ASAP1: variants seen among roughly 807,000 people sequenced by gnomAD.
ASAP1 encodes the protein ArfGAP with SH3 domain, ankyrin repeat and PH domain 1.
A neutral mutation model predicts 145.2 loss-of-function variants in ASAP1; 43 were observed. The ratio of observed to expected loss-of-function variants is 0.30; its 90% CI spans 0.23 to 0.38. The LOEUF is 0.38. Among genes scored for constraint, ASAP1 ranks in the 10% least tolerant of loss-of-function variants. The pLI is 1.00. For synonymous variants in ASAP1, 546 were observed against 515.5 expected, an observed-to-expected ratio of 1.06 and a Z score of -0.80; for missense variants, 1,018 against 1,355.3, an observed-to-expected ratio of 0.75 and a Z score of 3.91.
At chr8:130,378,811 T>C (rs529374333) in intron 2 of ASAP1, among the ~76,000 whole-genome samples, 1 of 152,304 alleles carries the variant, frequency 6.6e-6, no homozygotes, top group African/African-American at 2.4e-5. Flanking sequence ...GCAAGATCTG[T>C]CACCTCCCTA....
At chr8:130,407,965 T>C (rs1321702911) in intron 1 of ASAP1, among the ~76,000 whole-genome samples, 1 of 152,194 alleles carries the variant, frequency 6.6e-6, no homozygotes, top group Non-Finnish European at 1.5e-5. Flanking sequence ...TTCTTTCCTG[T>C]TCTGTGGAAG....
chr8:130,318,170 C>T (rs930940666), intron 3 of ASAP1, among the ~76,000 whole-genome samples: 3 of 152,176 alleles, frequency 2.0e-5, no homozygotes, highest in African/African-American at 7.2e-5. Flanking sequence ...TAGCCTTGAC[C>T]GCCCAGGCTC....
intron 1 of ASAP1, among the ~76,000 whole-genome samples, chr8:130,420,819 G>C (rs138597426): frequency 0.034 from 5,147 of 151,804 alleles, 126 homozygotes; most frequent in Middle Eastern, 0.068. Context: ...CTTGAACTCG[G>C]GAGGCAGAGG....
At chr8:130,395,683 T>G (rs1339780806) in intron 2 of ASAP1, among the ~76,000 whole-genome samples, 1 of 151,792 alleles carries the variant, frequency 6.6e-6, no homozygotes, top group African/African-American at 2.4e-5. Context: ...CTTTTTTTTT[T>G]TGAGACAGAG....
chr8:130,154,112 C>T (rs1376012330), intron 12 of ASAP1, among the ~76,000 whole-genome samples: 1 of 152,098 alleles, frequency 6.6e-6, no homozygotes, highest in African/African-American at 2.4e-5. Context: ...TCGGGAGGTA[C>T]AGGACAAGCT....
chr8:130,222,327 T>C (rs921088882), intron 4 of ASAP1, among the ~76,000 whole-genome samples: 7 of 152,224 alleles, frequency 4.6e-5, no homozygotes, highest in African/African-American at 1.7e-4. Context: ...CCTGCCAACC[T>C]AACCTTTGAT....
At chr8:130,319,911 CACTA>C (rs1202454413) in intron 3 of ASAP1, among the ~76,000 whole-genome samples, 8 of 152,280 alleles carry the variant, frequency 5.3e-5, no homozygotes, top group African/African-American at 9.6e-5. Flanking sequence ...TTATTTTGTA[CACTA>C]ACTACTTCAT....
At chr8:130,061,182 G>A in intron 27 of ASAP1, 113 bp from the exon 28 acceptor site, 1 of 1,306,030 alleles carries the variant, frequency 7.7e-7, no homozygotes, top group Non-Finnish European at 1.0e-6. Context: ...GTGAGCACTT[G>A]AAATGGATGA....
intron 3 of ASAP1, among the ~76,000 whole-genome samples, chr8:130,337,895 G>GA (rs1035225084): frequency 6.6e-6 from 1 of 152,208 alleles, no homozygotes; most frequent in Non-Finnish European, 1.5e-5. Flanking sequence ...TCCCCATGGG[G>GA]ATGGCAATTA....
At position 130,079,916 on chromosome 8, in the gene ASAP1, T is replaced by C. The variant is rs778832409; in HGVS notation, c.2628A>G (p.Leu876=). Residue 876 remains leucine, a synonymous_variant, in exon 26 of 30, where the codon CTA becomes CTG. Coordinates refer to ENST00000518721, the MANE Select transcript of ASAP1 (RefSeq NM_018482.4). ...AGATGGCTTACCTCGACTGCTGGGATAGTCCCTCAAACTTGTTTGTAGTCT... is the reference window on the plus strand; with the variant it reads ...AGATGGCTTACCTCGACTGCTGGGACAGTCCCTCAAACTTGTTTGTAGTCT... ...SSKTTNKFEG[L]SQQSSTSSAK... 6 of 1,614,068 alleles carry C rather than the reference T, an allele frequency of 3.7e-6. No individual in the cohort carries two copies. The highest frequency in any genetic ancestry group is 3.3e-5 in the Admixed American group (2 of 60,002).
chr8:130,060,075 C>CAAAA lies in ASAP1; in HGVS notation c.3192+500_3192+503dup, dbSNP rs55875346. 1.3e-3 allele frequency among the ~76,000 whole-genome samples: 122 copies of CAAAA among 95,816 alleles called. 1 individual carries two copies. Among genetic ancestry groups the CAAAA allele is most frequent in the African/African-American group, 4.3e-3 (108 of 25,260 alleles). The allele number at this position is 95,816 out of a possible 152,430, so 62.9% of individuals were successfully genotyped here. On this transcript the variant is annotated intron_variant, in intron 28 of 29. Transcript: ENST00000518721. ...CCTGGGCGACAGAGCGAGCCCTTCT[C>CAAAA]AAAAAAAAAAAAAAAAAAAAAAAAA...
At chr8:130,411,537 G>A (rs1829264632) in intron 1 of ASAP1, among the ~76,000 whole-genome samples, 1 of 152,082 alleles carries the variant, frequency 6.6e-6, no homozygotes, top group African/African-American at 2.4e-5. Flanking sequence ...TGTTTCCTTG[G>A]ATCACCTCCC....
chr8:130,153,648 G>T (rs1178995503), intron 12 of ASAP1, among the ~76,000 whole-genome samples: 1 of 151,914 alleles, frequency 6.6e-6, no homozygotes, highest in African/African-American at 2.4e-5. Flanking sequence ...AATTACAGGT[G>T]TGAGCCACTG....
intron 1 of ASAP1, among the ~76,000 whole-genome samples, chr8:130,403,640 C>T (rs138325537): frequency 0.034 from 5,176 of 151,504 alleles, 120 homozygotes; most frequent in Middle Eastern, 0.075. Flanking sequence ...GCAACCTCCA[C>T]CTCCTGGGTT....
intron 4 of ASAP1, 27 bp downstream of exon 4, chr8:130,236,895 G>A: frequency 6.9e-7 from 1 of 1,453,468 alleles, no homozygotes; most frequent in Non-Finnish European, 9.4e-7. Flanking sequence ...TATAATTCAT[G>A]TTACCTCATT....
rs1268541948 is a variant in ASAP1, at chr8:130,300,149, CACACAGAG to C, written c.186+57860_186+57867del. ...ACACACACACACACACACACACACA[CACACAGAG>C]AGAGAGAGAGAGAGAGAGAGAGAGA... On this transcript the variant is annotated intron_variant, in intron 3 of 29. Coordinates refer to ENST00000518721, the MANE Select transcript of ASAP1 (RefSeq NM_018482.4). 2.0e-4 allele frequency among the ~76,000 whole-genome samples: 18 copies of C among 88,726 alleles called. No individual in the cohort carries two copies. The East Asian group carries it at 2.1e-3, about 10-fold the overall frequency. The allele number at this position is 88,726 out of a possible 152,430, so 58.2% of individuals were successfully genotyped here. A position where few individuals can be genotyped will look rare whatever the true frequency, so the allele number is the denominator to read the frequency against.
intron 3 of ASAP1, among the ~76,000 whole-genome samples, chr8:130,313,355 C>A (rs574118538): frequency 1.5e-4 from 23 of 151,830 alleles, no homozygotes; most frequent in Non-Finnish European, 2.9e-4. Context: ...CTCATCTTTG[C>A]AGCTCTCACT....
chr8:130,214,511 T>C, intron 5 of ASAP1, 45 bp downstream of exon 5: 1 of 1,527,232 alleles, frequency 6.5e-7, no homozygotes, highest in East Asian at 2.3e-5. Context: ...ACGTAATATT[T>C]TGGAAAGGCT....
chr8:130,234,075 C>T (rs1276359002), intron 4 of ASAP1, among the ~76,000 whole-genome samples: 1 of 151,942 alleles, frequency 6.6e-6, no homozygotes, highest in Non-Finnish European at 1.5e-5. Context: ...TCAGGTGATC[C>T]TAATCAACAA....
Sources: gnomAD v4.1 joint callset for allele counts (sites outside exome capture counted in the v4.1 genomes callset) on GRCh38, gnomAD v4.1.1 for gene constraint, MANE v1.5 for transcripts, NCBI Gene and HGNC (gene_info 2026-07-23, HGNC 2026-07-21) for gene names.